Variants in EPHA5 observed in about 807,000 individuals in gnomAD.
The protein encoded by EPHA5 is EPH receptor A5.
A neutral mutation model predicts 105.0 loss-of-function variants in EPHA5; 60 were observed. That is an observed-to-expected ratio of 0.57 (90% CI 0.46 to 0.71). The LOEUF is 0.71. Among genes scored for constraint, EPHA5 ranks in the 30% least tolerant of loss-of-function variants. The pLI is 0.00. For synonymous variants in EPHA5, 513 were observed against 449.1 expected, an observed-to-expected ratio of 1.14 and a Z score of -1.80; for missense variants, 1,218 against 1,274.7, an observed-to-expected ratio of 0.96 and a Z score of 0.68.
intron 7 of EPHA5, among the ~76,000 whole-genome samples, chr4:65,413,892 C>G (rs1723142172): frequency 6.6e-6 from 1 of 152,114 alleles, no homozygotes; most frequent in Non-Finnish European, 1.5e-5. Flanking sequence ...GCCAAACTCA[C>G]TGCTAAAGAA....
At chr4:65,349,972 C>T (rs1009831787) in intron 13 of EPHA5, among the ~76,000 whole-genome samples, 1 of 152,070 alleles carries the variant, frequency 6.6e-6, no homozygotes, top group Non-Finnish European at 1.5e-5. Flanking sequence ...TTTCCACAGG[C>T]TGCCACTATA....
chr4:65,627,009 T>C (rs1746216477), intron 2 of EPHA5, among the ~76,000 whole-genome samples: 1 of 152,172 alleles, frequency 6.6e-6, no homozygotes, highest in Non-Finnish European at 1.5e-5. Context: ...GATCTGGCCA[T>C]CCAACATACC....
intron 2 of EPHA5, among the ~76,000 whole-genome samples, chr4:65,609,122 C>G (rs577635306): frequency 6.6e-6 from 1 of 152,034 alleles, no homozygotes; most frequent in East Asian, 1.9e-4. Flanking sequence ...CATATAACAA[C>G]AAGAAAAATG....
chr4:65,640,484 C>T (rs1747565504), intron 2 of EPHA5, among the ~76,000 whole-genome samples: 2 of 151,888 alleles, frequency 1.3e-5, no homozygotes. Context: ...GACAGGGTGT[C>T]CCCGTGTTAG....
chr4:65,458,880 T>A (rs1393382599), intron 5 of EPHA5, among the ~76,000 whole-genome samples: 1 of 152,104 alleles, frequency 6.6e-6, no homozygotes, highest in East Asian at 1.9e-4. Flanking sequence ...GAATTTGAGA[T>A]GAATATCGTC....
chr4:65,471,893 T>G (rs1442478172), intron 5 of EPHA5, among the ~76,000 whole-genome samples: 2 of 152,060 alleles, frequency 1.3e-5, no homozygotes, highest in Non-Finnish European at 2.9e-5. Context: ...CCCTCCCAAA[T>G]CTAATGTCCT....
At chr4:65,610,093 C>T (rs1165767945) in intron 2 of EPHA5, among the ~76,000 whole-genome samples, 2 of 151,752 alleles carry the variant, frequency 1.3e-5, no homozygotes, top group Admixed American at 6.6e-5. Flanking sequence ...ACCAAGATGC[C>T]CATCAACAGC....
At chr4:65,366,276 A>G (rs1002617199) in intron 9 of EPHA5, among the ~76,000 whole-genome samples, 2 of 151,836 alleles carry the variant, frequency 1.3e-5, no homozygotes, top group African/African-American at 4.8e-5. Context: ...ATGTGATGAC[A>G]TATCTGAGAA....
At chr4:65,329,604 T>C (rs1720399979) in intron 16 of EPHA5, among the ~76,000 whole-genome samples, 2 of 151,400 alleles carry the variant, frequency 1.3e-5, no homozygotes, top group Admixed American at 1.3e-4. Context: ...GAATGTATTC[T>C]TCCATTCTCA....
intron 3 of EPHA5, among the ~76,000 whole-genome samples, chr4:65,518,751 C>A (rs912234795): frequency 6.6e-6 from 1 of 151,902 alleles, no homozygotes; most frequent in Non-Finnish European, 1.5e-5. Context: ...GCAAAGGATA[C>A]AAGACTAAAC....
At chr4:65,403,617 T>C (rs1578029992) in intron 8 of EPHA5, among the ~76,000 whole-genome samples, 1 of 152,058 alleles carries the variant, frequency 6.6e-6, no homozygotes, top group African/African-American at 2.4e-5. Flanking sequence ...TAGTTTATTT[T>C]GTTTTATTCT....
chr4:65,433,546 A>T (rs1035833118), intron 5 of EPHA5, among the ~76,000 whole-genome samples: 7 of 152,322 alleles, frequency 4.6e-5, no homozygotes, highest in African/African-American at 1.7e-4. Flanking sequence ...GTATCCTATC[A>T]TATAAATTTC....
intron 3 of EPHA5, among the ~76,000 whole-genome samples, chr4:65,575,712 C>T (rs915885601): frequency 1.3e-5 from 2 of 152,054 alleles, no homozygotes; most frequent in Admixed American, 1.3e-4. Context: ...TGGCTCACAC[C>T]TGTAAAACCA....
At chr4:65,522,316 G>GTATATATATATATATATATATGCA (rs58851174) in intron 3 of EPHA5, among the ~76,000 whole-genome samples, 7 of 142,860 alleles carry the variant, frequency 4.9e-5, no homozygotes, top group African/African-American at 1.9e-4. Flanking sequence ...ATATATATAT[G>GTATATATATATATATATATATGCA]TATATATATA....
chr4:65,339,064 A>C (rs1004953646), intron 14 of EPHA5, among the ~76,000 whole-genome samples: 5 of 152,304 alleles, frequency 3.3e-5, no homozygotes, highest in African/African-American at 1.2e-4. Context: ...AAATAGTATA[A>C]TATGCTATGC....
intron 1 of EPHA5, among the ~76,000 whole-genome samples, chr4:65,663,454 G>A (rs1176595498): frequency 6.6e-6 from 1 of 151,530 alleles, no homozygotes; most frequent in Non-Finnish European, 1.5e-5. Context: ...GAAAATTTGA[G>A]CTTTTAGGGA....
At chr4:65,501,996 T>C (rs1220787038) in intron 3 of EPHA5, among the ~76,000 whole-genome samples, 3 of 151,636 alleles carry the variant, frequency 2.0e-5, no homozygotes, top group African/African-American at 7.3e-5. Flanking sequence ...AAATAAGCAA[T>C]AGGGGAAAAA....
chr4:65,396,244 C>G (rs1721223904), intron 8 of EPHA5, among the ~76,000 whole-genome samples: 1 of 152,236 alleles, frequency 6.6e-6, no homozygotes, highest in South Asian at 2.1e-4. Context: ...CACCAACCCC[C>G]TGCTACCTAG....
chr4:65,502,445 A>G (rs1159811851), intron 3 of EPHA5, among the ~76,000 whole-genome samples: 6 of 151,702 alleles, frequency 4.0e-5, no homozygotes, highest in Admixed American at 1.3e-4. Flanking sequence ...AGCAGGCAAA[A>G]TACATGAACA....
Sources: gnomAD v4.1 joint callset for allele counts (sites outside exome capture counted in the v4.1 genomes callset) on GRCh38, gnomAD v4.1.1 for gene constraint, MANE v1.5 for transcripts, NCBI Gene and HGNC (gene_info 2026-07-23, HGNC 2026-07-21) for gene names.